Variants in PIK3CB observed in about 807,000 individuals in gnomAD.
PIK3CB encodes phosphatidylinositol-4,5-bisphosphate 3-kinase catalytic subunit beta, also known as phosphatidylinositol 4,5-bisphosphate 3-kinase catalytic subunit beta isoform.
In PIK3CB, 39 loss-of-function variants were observed where a neutral mutation model predicts 136.8. The observed-to-expected ratio is 0.29, with a 90% CI of 0.22 to 0.37. The LOEUF (loss-of-function observed/expected upper bound fraction) is 0.37, where lower values mean the gene tolerates loss of function less well. Among genes scored for constraint, PIK3CB ranks in the 10% least tolerant of loss-of-function variants. The probability of loss-of-function intolerance (pLI) is 1.00; values close to 1 mark genes in which losing one functional copy is unlikely to be tolerated. For synonymous variants in PIK3CB, 428 were observed against 436.6 expected (o/e 0.98, Z 0.25); for missense variants, 868 against 1,275.4 (o/e 0.68, Z 4.87).
chr3:138,822,405 G>T (rs1293517137), intron 1 of PIK3CB, among the ~76,000 whole-genome samples: 1 of 151,692 alleles, frequency 6.6e-6, no homozygotes, highest in Non-Finnish European at 1.5e-5. Flanking sequence ...AAGTTAGCCG[G>T]GCATGGTGGC....
intron 1 of PIK3CB, among the ~76,000 whole-genome samples, chr3:138,818,496 G>T (rs1272670223): frequency 6.6e-6 from 1 of 152,112 alleles, no homozygotes; most frequent in Non-Finnish European, 1.5e-5. Context: ...AATTCCACTT[G>T]GTCAAGCAAC....
At chr3:138,833,902 G>C (rs1480410712) in intron 1 of PIK3CB, among the ~76,000 whole-genome samples, 1 of 152,170 alleles carries the variant, frequency 6.6e-6, no homozygotes, top group Non-Finnish European at 1.5e-5. Flanking sequence ...TTCCAATTCA[G>C]CCCTGCGGGA....
Position 138,737,700 on chromosome 3 carries a change from TAC to T in PIK3CB, c.801+5_801+6del. On this transcript the variant is annotated splice_donor_5th_base_variant and intron_variant, in intron 6 of 23. Coordinates refer to ENST00000674063, the MANE Select transcript of PIK3CB (RefSeq NM_006219.3). ...TTTTCTGGTAAATTAATAGTTAATATACATACCTGGAACTGAATTAGTGGATG... is the reference window on the plus strand; with the variant it reads ...TTTTCTGGTAAATTAATAGTTAATATATACCTGGAACTGAATTAGTGGATG... 6.5e-7 allele frequency: 1 copy of T among 1,528,558 alleles called. No individual in the cohort carries two copies. Among genetic ancestry groups the T allele is most frequent in the Non-Finnish European group, 9.0e-7 (1 of 1,114,960 alleles). 94.7% of individuals were successfully genotyped at this position (1,528,558 alleles called of 1,614,324 possible).
chr3:138,701,259 A>G (rs1347807997), intron 12 of PIK3CB, among the ~76,000 whole-genome samples: 3 of 152,018 alleles, frequency 2.0e-5, no homozygotes, highest in South Asian at 2.1e-4. Context: ...ACACTGAAGA[A>G]CTGTTTCGGA....
chr3:138,668,660 T>C (rs951464482), intron 19 of PIK3CB, among the ~76,000 whole-genome samples: 1 of 152,216 alleles, frequency 6.6e-6, no homozygotes, highest in African/African-American at 2.4e-5. Context: ...AACAGGTATA[T>C]AGCAAGTTAT....
chr3:138,775,895 T>C (rs183585512), intron 2 of PIK3CB, among the ~76,000 whole-genome samples: 15 of 151,956 alleles, frequency 9.9e-5, no homozygotes, highest in African/African-American at 3.4e-4. Flanking sequence ...TAGCATTCTT[T>C]TAAATTAAAA....
intron 5 of PIK3CB, among the ~76,000 whole-genome samples, chr3:138,739,985 T>C (rs1334651329): frequency 6.6e-6 from 1 of 151,820 alleles, no homozygotes; most frequent in African/African-American, 2.4e-5. Flanking sequence ...AGAAGATAGT[T>C]ATGTATGCAC....
intron 16 of PIK3CB, among the ~76,000 whole-genome samples, chr3:138,686,309 C>A (rs2108493682): frequency 6.7e-6 from 1 of 150,082 alleles, no homozygotes; most frequent in African/African-American, 2.5e-5. Flanking sequence ...CGTGGTGGCG[C>A]ACACCTGTAA....
chr3:138,805,011 C>T (rs759367808), intron 1 of PIK3CB, among the ~76,000 whole-genome samples: 5 of 149,894 alleles, frequency 3.3e-5, no homozygotes, highest in East Asian at 2.0e-4. Flanking sequence ...GGTGACACAG[C>T]GAGACTCCAT....
intron 6 of PIK3CB, 45 bp from the exon 7 acceptor site, chr3:138,734,849 C>G (rs1412960910): frequency 7.4e-7 from 1 of 1,342,738 alleles, no homozygotes; most frequent in Admixed American, 2.0e-5. Flanking sequence ...CATGCCAACA[C>G]CTAAATCAAT....
At chr3:138,663,762 C>T (rs954941443) in intron 21 of PIK3CB, 144 bp downstream of exon 21, 22 of 729,282 alleles carry the variant, frequency 3.0e-5, no homozygotes, top group Middle Eastern at 3.9e-4. Context: ...ATATATGAAA[C>T]GAGAGGTAGT....
chr3:138,662,037 A>T (rs1438339724), intron 21 of PIK3CB, among the ~76,000 whole-genome samples: 2 of 151,676 alleles, frequency 1.3e-5, no homozygotes, highest in Non-Finnish European at 2.9e-5. Flanking sequence ...CCCATATATA[A>T]TTAGGTATGA....
At chr3:138,722,129 G>GTT (rs57765444) in intron 8 of PIK3CB, among the ~76,000 whole-genome samples, 2 of 128,674 alleles carry the variant, frequency 1.6e-5, no homozygotes, top group South Asian at 2.3e-4. Context: ...GCTACTGGGT[G>GTT]TTTTTTTTTT....
At chr3:138,805,471 C>A (rs2046223495) in intron 1 of PIK3CB, among the ~76,000 whole-genome samples, 1 of 151,816 alleles carries the variant, frequency 6.6e-6, no homozygotes, top group Non-Finnish European at 1.5e-5. Flanking sequence ...GAGATTGAGA[C>A]CATCCTGGCT....
At chr3:138,751,607 T>C (rs1370896141) in intron 4 of PIK3CB, among the ~76,000 whole-genome samples, 1 of 152,168 alleles carries the variant, frequency 6.6e-6, no homozygotes, top group Non-Finnish European at 1.5e-5. Context: ...AAATTTATAG[T>C]CAAATATAAT....
chr3:138,683,890 T>C lies in PIK3CB; in HGVS notation c.2316-103A>G, dbSNP rs373658366. Reference sequence around the variant, plus strand: ...CTTGGGAAAACTCCTCACCTATTCCTGTCAGGTCTGCAGAAGAGTCAGACT... The same window carrying C: ...CTTGGGAAAACTCCTCACCTATTCCCGTCAGGTCTGCAGAAGAGTCAGACT... On this transcript the variant is annotated intron_variant, in intron 17 of 23. Transcript: ENST00000674063. 13 of 679,702 alleles carry C rather than the reference T, an allele frequency of 1.9e-5. No homozygotes were observed. In the African/African-American group the frequency reaches 2.1e-4, roughly 11 times the overall value. 42.1% of individuals were successfully genotyped at this position (679,702 alleles called of 1,614,324 possible).
chr3:138,720,415 G>A (rs943388460), intron 8 of PIK3CB, among the ~76,000 whole-genome samples: 7 of 151,990 alleles, frequency 4.6e-5, no homozygotes, highest in Non-Finnish European at 7.4e-5. Flanking sequence ...TAATAGTTTT[G>A]TCTGCCTTCA....
chr3:138,709,528 G>A (rs1161174432), intron 10 of PIK3CB, among the ~76,000 whole-genome samples: 1 of 152,106 alleles, frequency 6.6e-6, no homozygotes, highest in African/African-American at 2.4e-5. Context: ...AATAATAAAC[G>A]TGATTGTATA....
At chr3:138,747,778 CAA>C (rs755667761) in intron 4 of PIK3CB, among the ~76,000 whole-genome samples, 24 of 152,010 alleles carry the variant, frequency 1.6e-4, no homozygotes, top group African/African-American at 5.8e-4. Context: ...TCACAAATCT[CAA>C]AAAAAGTTTC....
Sources: allele counts gnomAD v4.1 joint callset (sites outside exome capture counted in the v4.1 genomes callset), GRCh38; gene constraint gnomAD v4.1.1; transcripts MANE v1.5; gene names NCBI Gene and HGNC (gene_info 2026-07-23, HGNC 2026-07-21).